The following ADORA2B variants were observed in gnomAD, a reference collection of about 807,000 sequenced individuals.
ADORA2B encodes adenosine A2b receptor, also known as adenosine receptor A2b.
ADORA2B carries 18 observed loss-of-function variants against 20.8 expected under a neutral mutation model. The observed-to-expected ratio is 0.87, with a 90% CI of 0.60 to 1.29. ADORA2B has a LOEUF of 1.29. Among genes scored for constraint, ADORA2B ranks in the 50% most tolerant of loss-of-function variants. The pLI is 0.00. For missense variants in ADORA2B, 441 were observed against 422.7 expected (o/e 1.04, Z -0.38); for synonymous variants, 179 against 178.3 (o/e 1.00, Z -0.03).
chr17:15,923,459 C>T, the ADORA2B span, among the ~76,000 whole-genome samples: 2 of 150,856 alleles, frequency 1.3e-5, no homozygotes, highest in East Asian at 3.9e-4. Context: ...GGCTGGAGTG[C>T]AGTGGCGCGA....
chr17:15,850,376 G>C, the ADORA2B span: 1 of 152,118 alleles, frequency 6.6e-6, no homozygotes, highest in African/African-American at 2.4e-5. Flanking sequence ...ATCTAGGACT[G>C]GCCTCCACTC....
chr17:15,928,419 C>T, the ADORA2B span, among the ~76,000 whole-genome samples: 528 of 151,022 alleles, frequency 3.5e-3, 6 homozygotes, highest in South Asian at 0.036. Flanking sequence ...GCCAGGGAGA[C>T]GGGGAAGGAG....
the ADORA2B span, among the ~76,000 whole-genome samples, chr17:15,893,994 T>C: frequency 2.0e-5 from 3 of 152,218 alleles, no homozygotes; most frequent in Non-Finnish European, 4.4e-5. Context: ...AAGTTTATTA[T>C]ATGAAAACAG....
chr17:15,969,876 C>A (rs1379362015), intron 1 of ADORA2B, among the ~76,000 whole-genome samples: 1 of 152,242 alleles, frequency 6.6e-6, no homozygotes, highest in African/African-American at 2.4e-5. Context: ...GCTTAAAAGT[C>A]TTCCATGGGT....
chr17:15,944,267 C>T (rs1315499966), upstream of ADORA2B, among the ~76,000 whole-genome samples: 1 of 152,134 alleles, frequency 6.6e-6, no homozygotes, highest in East Asian at 1.9e-4. This position sits in a 1 kb window ranked among gnomAD's most constrained non-coding sequence, Gnocchi z 4.8. Flanking sequence ...AGTCTCTCTC[C>T]TGGCGAGAGT....
At chr17:15,921,700 C>T in the ADORA2B span, among the ~76,000 whole-genome samples, 2 of 152,046 alleles carry the variant, frequency 1.3e-5, no homozygotes, top group East Asian at 1.9e-4. Context: ...TAAGAAACTT[C>T]CTCCCTTCTC....
the ADORA2B span, among the ~76,000 whole-genome samples, chr17:15,929,410 C>T: frequency 6.6e-6 from 1 of 152,170 alleles, no homozygotes; most frequent in Middle Eastern, 3.2e-3. Flanking sequence ...GCTGAGGCTA[C>T]AGTAGAACCA....
At chr17:15,956,107 T>A (rs1969962657) in intron 1 of ADORA2B, among the ~76,000 whole-genome samples, 2 of 152,272 alleles carry the variant, frequency 1.3e-5, no homozygotes, top group African/African-American at 4.8e-5. Flanking sequence ...TGTAAGAGTT[T>A]CTTCGCTTTT....
chr17:15,903,094 A>G, the ADORA2B span, among the ~76,000 whole-genome samples: 1,783 of 152,340 alleles, frequency 0.012, 20 homozygotes, highest in Non-Finnish European at 0.018. Flanking sequence ...AAGTAATTAT[A>G]AACATCTAGA....
intron 1 of ADORA2B, among the ~76,000 whole-genome samples, chr17:15,964,843 C>G (rs2779204): frequency 6.6e-6 from 1 of 151,618 alleles, no homozygotes; most frequent in Non-Finnish European, 1.5e-5. Context: ...GGGCGAATCA[C>G]GAGGTCAGGA....
intron 1 of ADORA2B, among the ~76,000 whole-genome samples, chr17:15,969,939 G>T (rs1970169319): frequency 6.6e-6 from 1 of 152,162 alleles, no homozygotes; most frequent in African/African-American, 2.4e-5. Flanking sequence ...TTTCCTGCAT[G>T]AAAGCAGCAC....
chr17:15,975,165 G>C lies in ADORA2B; in HGVS notation c.822G>C (p.Met274Ile). Residue 274 changes from methionine (M) to isoleucine (I), a missense_variant, in exon 2 of 2, where the codon ATG becomes ATC. Met to Ile is a conservative substitution (Grantham distance 10). Transcript: ENST00000304222. Reference protein sequence around the residue: ...GKNKPKWAMNMAILLSHANSV... With the variant: ...GKNKPKWAMNIAILLSHANSV... ...ATAAGCCCAAGTGGGCAATGAATATGGCCATTCTTCTGTCACATGCCAATT... is the reference window on the plus strand; with the variant it reads ...ATAAGCCCAAGTGGGCAATGAATATCGCCATTCTTCTGTCACATGCCAATT... 1 of 1,614,184 alleles carries C rather than the reference G, an allele frequency of 6.2e-7. No individual in the cohort carries two copies. The highest frequency in any genetic ancestry group is 8.5e-7 in the Non-Finnish European group (1 of 1,180,036).
At chr17:15,868,863 G>C in the ADORA2B span, among the ~76,000 whole-genome samples, 2 of 150,948 alleles carry the variant, frequency 1.3e-5, no homozygotes, top group South Asian at 4.2e-4. Flanking sequence ...GTACCAATAA[G>C]TTATTTATTT....
the ADORA2B span, among the ~76,000 whole-genome samples, chr17:15,915,343 C>G: frequency 6.6e-6 from 1 of 152,228 alleles, no homozygotes; most frequent in East Asian, 1.9e-4. Context: ...AGGCTATTCT[C>G]TCTATTGCAA....
At chr17:15,868,445 A>G in the ADORA2B span, among the ~76,000 whole-genome samples, 1 of 139,002 alleles carries the variant, frequency 7.2e-6, no homozygotes, top group African/African-American at 2.5e-5. Flanking sequence ...TCTTTCCTCT[A>G]ATGGTTAGTG....
chr17:15,912,207 T>C, the ADORA2B span, among the ~76,000 whole-genome samples: 3 of 129,562 alleles, frequency 2.3e-5, no homozygotes, highest in African/African-American at 8.7e-5. Flanking sequence ...AGAATAAGAC[T>C]CTGTCTCAAA....
intron 1 of ADORA2B, among the ~76,000 whole-genome samples, chr17:15,951,945 C>A (rs546413920): frequency 5.3e-5 from 8 of 152,344 alleles, no homozygotes; most frequent in African/African-American, 1.9e-4. Context: ...GCAGACCAGG[C>A]ACAGTCTGCA....
At chr17:15,896,014 A>T in the ADORA2B span, among the ~76,000 whole-genome samples, 1 of 152,190 alleles carries the variant, frequency 6.6e-6, no homozygotes, top group African/African-American at 2.4e-5. Flanking sequence ...GCTGGTCTCC[A>T]CCTGGTATTT....
the ADORA2B span, among the ~76,000 whole-genome samples, chr17:15,872,021 G>A: frequency 6.6e-6 from 1 of 152,190 alleles, no homozygotes; most frequent in Non-Finnish European, 1.5e-5. Context: ...AGAGCTGGGT[G>A]CAAAGGCTAC....
Sources: gnomAD v4.1 joint callset for allele counts (sites outside exome capture counted in the v4.1 genomes callset) on GRCh38, gnomAD v4.1.1 for gene constraint, Gnocchi (gnomAD v3.1) non-coding constraint, MANE v1.5 for transcripts, NCBI Gene and HGNC (gene_info 2026-07-23, HGNC 2026-07-21) for gene names.